The following MORC3 variants were observed in gnomAD, a reference collection of about 807,000 sequenced individuals.
The protein encoded by MORC3 is MORC family CW-type zinc finger 3.
Under a neutral mutation model 109.1 loss-of-function variants are expected in MORC3, and 31 were observed. The observed-to-expected ratio is 0.28, with a 90% CI of 0.21 to 0.38. The LOEUF (loss-of-function observed/expected upper bound fraction) is 0.38. Among genes scored for constraint, MORC3 ranks in the 10% least tolerant of loss-of-function variants. The pLI, the probability that MORC3 is intolerant of heterozygous loss-of-function variation, is 1.00. For missense variants in MORC3, 867 were observed against 1,135.8 expected (o/e 0.76, Z 3.40); for synonymous variants, 395 against 380.7 (o/e 1.04, Z -0.44).
At chr21:36,326,879 G>T (rs1449405678) in intron 1 of MORC3, among the ~76,000 whole-genome samples, 1 of 151,140 alleles carries the variant, frequency 6.6e-6, no homozygotes, top group Non-Finnish European at 1.5e-5. Flanking sequence ...GCATTGGTGC[G>T]ATCTCGGCTC....
At chr21:36,343,830 AT>A (rs2085478726) in intron 6 of MORC3, among the ~76,000 whole-genome samples, 1 of 151,976 alleles carries the variant, frequency 6.6e-6, no homozygotes. Context: ...TTTTCATGTA[AT>A]TTTTGCTAAG....
chr21:36,338,016 T>C, intron 4 of MORC3, 70 bp downstream of exon 4: 9 of 1,522,758 alleles, frequency 5.9e-6, no homozygotes, highest in Non-Finnish European at 8.1e-6. Context: ...TTCTATGTTT[T>C]TGCCTTCTTC....
intron 7 of MORC3, 52 bp from the exon 8 acceptor site, chr21:36,344,860 T>C (rs753290426): frequency 2.5e-6 from 4 of 1,604,770 alleles, no homozygotes; most frequent in Non-Finnish European, 3.4e-6. Flanking sequence ...ATAGAAAGGA[T>C]GATTTGAACT....
intron 6 of MORC3, among the ~76,000 whole-genome samples, chr21:36,341,882 A>G (rs539146196): frequency 3.7e-4 from 57 of 152,316 alleles, no homozygotes; most frequent in African/African-American, 1.3e-3. Flanking sequence ...ATTAGTCAGT[A>G]TATGGTGGCC....
chr21:36,343,594 A>G (rs1015799417), intron 6 of MORC3, among the ~76,000 whole-genome samples: 1 of 151,580 alleles, frequency 6.6e-6, no homozygotes, highest in Non-Finnish European at 1.5e-5. Context: ...GACTACAAGC[A>G]TGCACTACCC....
chr21:36,346,860 G>A (rs2085513598), intron 8 of MORC3, among the ~76,000 whole-genome samples: 1 of 151,556 alleles, frequency 6.6e-6, no homozygotes, highest in African/African-American at 2.4e-5. Flanking sequence ...AAACAAATTA[G>A]CCAGGTGTGG....
intron 8 of MORC3, among the ~76,000 whole-genome samples, chr21:36,345,517 G>A (rs2146309849): frequency 6.6e-6 from 1 of 152,106 alleles, no homozygotes; most frequent in Non-Finnish European, 1.5e-5. Flanking sequence ...TGCCTTCTGG[G>A]TTCAAGCAAT....
Position 36,362,246 on chromosome 21 carries a change from T to C in MORC3, c.1452+18T>C, listed in dbSNP as rs1157331091. The C allele has an allele frequency of 7.1e-6, 11 of 1,543,742 alleles. No individual in the cohort carries two copies. The highest frequency in any genetic ancestry group is 3.7e-5 in the Admixed American group (2 of 53,370). The stretch of plus-strand genomic sequence containing the variant: ...TCCCTCGGGTAATTAAGCCTTCTTT[T>C]TTTTTTTTTTTTTTAAATAGAGATG... On this transcript the variant is annotated intron_variant, in intron 13 of 16. Transcript: ENST00000400485.
intron 15 of MORC3, among the ~76,000 whole-genome samples, chr21:36,371,085 C>T (rs956543237): frequency 6.6e-6 from 1 of 152,056 alleles, no homozygotes; most frequent in African/African-American, 2.4e-5. Flanking sequence ...ACGATAAATA[C>T]CAAGAGACAA....
At chr21:36,336,092 A>AT (rs71326676) in intron 2 of MORC3, among the ~76,000 whole-genome samples, 23,436 of 137,716 alleles carry the variant, frequency 0.17, 2,621 homozygotes, top group East Asian at 0.4. Flanking sequence ...TGCCTGGCTA[A>AT]TTTTTTTTTT....
chr21:36,355,468 G>T (rs534457543), intron 9 of MORC3, among the ~76,000 whole-genome samples: 87 of 152,130 alleles, frequency 5.7e-4, no homozygotes, highest in Non-Finnish European at 1.1e-3. Flanking sequence ...TCTCTTCAAG[G>T]CTTAAGGGTT....
At chr21:36,363,961 C>A in intron 13 of MORC3, 132 bp from the exon 14 acceptor site, 2 of 972,346 alleles carry the variant, frequency 2.1e-6, no homozygotes, top group Non-Finnish European at 3.0e-6. Flanking sequence ...TGGTATAGCA[C>A]AAGGAATTTA....
intron 1 of MORC3, among the ~76,000 whole-genome samples, chr21:36,329,228 G>A (rs1354029281): frequency 6.6e-6 from 1 of 152,146 alleles, no homozygotes; most frequent in South Asian, 2.1e-4. Flanking sequence ...CCGGGAGGCA[G>A]AGGTTGCAGT....
Position 36,376,147 on chromosome 21 carries a change from C to T in MORC3, c.*851C>T, listed in dbSNP as rs1409254735. Reference sequence around the variant, plus strand: ...GGAAGACAGTCTTTCTCAAACAATACTACATACCTTTTATTATATTACAAA... The same window carrying T: ...GGAAGACAGTCTTTCTCAAACAATATTACATACCTTTTATTATATTACAAA... On this transcript the variant is annotated 3_prime_UTR_variant, in exon 17 of 17. Coordinates refer to ENST00000400485, the MANE Select transcript of MORC3 (RefSeq NM_015358.3). The T allele has an allele frequency of 1.3e-5, 2 of 152,532 alleles. No individual in the cohort carries two copies. Among genetic ancestry groups the T allele is most frequent in the Non-Finnish European group, 2.9e-5 (2 of 68,012 alleles). 9.4% of individuals were successfully genotyped at this position (152,532 alleles called of 1,614,324 possible).
intron 8 of MORC3, among the ~76,000 whole-genome samples, chr21:36,346,876 C>T (rs1040467009): frequency 2.0e-5 from 3 of 151,280 alleles, no homozygotes; most frequent in South Asian, 2.1e-4. Context: ...TGTGGTTGTA[C>T]GTCCTTGTAG....
intron 10 of MORC3, among the ~76,000 whole-genome samples, chr21:36,358,138 T>G (rs1359147827): frequency 1.3e-5 from 2 of 151,894 alleles, no homozygotes; most frequent in Admixed American, 6.6e-5. Context: ...CCCAGCACTT[T>G]GGGAGGCCAA....
chr21:36,326,436 G>A (rs1321695733), intron 1 of MORC3, among the ~76,000 whole-genome samples: 1 of 151,366 alleles, frequency 6.6e-6, no homozygotes, highest in Non-Finnish European at 1.5e-5. Flanking sequence ...TGAGGCAGGA[G>A]AATCGCTTGA....
At chr21:36,343,628 T>C (rs961683391) in intron 6 of MORC3, among the ~76,000 whole-genome samples, 2 of 151,252 alleles carry the variant, frequency 1.3e-5, no homozygotes, top group Non-Finnish European at 2.9e-5. Context: ...TTTGTATTTT[T>C]AGTAGAGACA....
intron 15 of MORC3, among the ~76,000 whole-genome samples, chr21:36,371,803 T>C (rs1403117154): frequency 6.7e-6 from 1 of 149,394 alleles, no homozygotes; most frequent in Non-Finnish European, 1.5e-5. Flanking sequence ...TTTTTCTGTT[T>C]TGTTTTGTTT....
Sources: gnomAD v4.1 joint callset for allele counts (sites outside exome capture counted in the v4.1 genomes callset) on GRCh38, gnomAD v4.1.1 for gene constraint, MANE v1.5 for transcripts, NCBI Gene and HGNC (gene_info 2026-07-23, HGNC 2026-07-21) for gene names.